The following NUBP1 variants were observed in gnomAD, a reference collection of about 807,000 sequenced individuals.
NUBP1 encodes cytosolic Fe-S cluster assembly factor NUBP1.
A neutral mutation model predicts 41.8 loss-of-function variants in NUBP1; 46 were observed. The ratio of observed to expected loss-of-function variants is 1.10; its 90% confidence interval spans 0.87 to 1.41. The LOEUF is 1.41. NUBP1 is among the 40% of genes most tolerant of loss of function. The probability of loss-of-function intolerance (pLI) is 0.00; values close to 1 mark genes in which losing one functional copy is unlikely to be tolerated. For synonymous variants in NUBP1, 189 were observed against 154.6 expected, an observed-to-expected ratio of 1.22 and a Z score of -1.65; for missense variants, 494 against 414.0, an observed-to-expected ratio of 1.19 and a Z score of -1.68.
At chr16:10,756,826 G>T (rs373746118) in intron 6 of NUBP1, 46 bp downstream of exon 6, 1 of 1,494,862 alleles carries the variant, frequency 6.7e-7, no homozygotes. Context: ...TTCCACGAGC[G>T]TTGTGGCTCT....
chr16:10,747,045 T>TACTAGG, intron 2 of NUBP1, 98 bp from the exon 3 acceptor site: 4 of 1,443,948 alleles, frequency 2.8e-6, no homozygotes, highest in Non-Finnish European at 3.8e-6. Context: ...CCAGGACTAG[T>TACTAGG]ACTAGGACTA....
chr16:10,763,103 G>C (rs1043718671), intron 9 of NUBP1, among the ~76,000 whole-genome samples: 1 of 152,136 alleles, frequency 6.6e-6, no homozygotes, highest in African/African-American at 2.4e-5. Flanking sequence ...TCACCTGGAG[G>C]AGGGTCCGTC....
At chr16:10,755,145 T>G (rs1308957921) in intron 4 of NUBP1, among the ~76,000 whole-genome samples, 2 of 152,248 alleles carry the variant, frequency 1.3e-5, no homozygotes, top group African/African-American at 4.8e-5. Context: ...CTATGAATCA[T>G]GTCTCAGTAA....
intron 7 of NUBP1, among the ~76,000 whole-genome samples, chr16:10,760,611 C>A (rs1900881851): frequency 6.6e-6 from 1 of 152,156 alleles, no homozygotes; most frequent in South Asian, 2.1e-4. Flanking sequence ...GTAGCACATG[C>A]CTGTAGTCCC....
chr16:10,760,146 G>A (rs1041957014), intron 7 of NUBP1, among the ~76,000 whole-genome samples: 6 of 152,264 alleles, frequency 3.9e-5, no homozygotes, highest in Admixed American at 1.3e-4. Flanking sequence ...CTTTTAGTCA[G>A]TTGTTTGTGT....
chr16:10,744,527 T>A (rs1024511079), intron 2 of NUBP1, among the ~76,000 whole-genome samples: 2 of 152,212 alleles, frequency 1.3e-5, no homozygotes, highest in Non-Finnish European at 2.9e-5. Context: ...CAGAAATGTG[T>A]TGATCGCCTC....
intron 8 of NUBP1, 35 bp from the exon 9 acceptor site, chr16:10,761,722 A>T: frequency 6.4e-7 from 1 of 1,561,366 alleles, no homozygotes; most frequent in Non-Finnish European, 8.8e-7. Context: ...TCTGCAAAAA[A>T]ATTATGTTTC....
chr16:10,756,024 C>G (rs1371715285), intron 5 of NUBP1, among the ~76,000 whole-genome samples: 1 of 152,178 alleles, frequency 6.6e-6, no homozygotes, highest in Non-Finnish European at 1.5e-5. Context: ...AGTTTATTTA[C>G]AAACACAGAT....
intron 3 of NUBP1, among the ~76,000 whole-genome samples, chr16:10,748,269 A>G (rs956448619): frequency 3.3e-5 from 5 of 152,142 alleles, no homozygotes; most frequent in African/African-American, 1.2e-4. Flanking sequence ...CAATTTTTAA[A>G]TTAGTACCTA....
chr16:10,745,235 C>T (rs925808201), intron 2 of NUBP1, among the ~76,000 whole-genome samples: 4 of 151,212 alleles, frequency 2.6e-5, no homozygotes, highest in African/African-American at 4.8e-5. Context: ...GAGGCCGAGG[C>T]GGGTGGATGG....
intron 7 of NUBP1, among the ~76,000 whole-genome samples, chr16:10,758,336 G>C (rs1900711454): frequency 6.6e-6 from 1 of 152,082 alleles, no homozygotes; most frequent in Non-Finnish European, 1.5e-5. Context: ...AGCCAGGCAT[G>C]GTGGCTCGCG....
chr16:10,752,701 A>G, intron 4 of NUBP1, 23 bp downstream of exon 4: 2 of 1,604,232 alleles, frequency 1.2e-6, no homozygotes, highest in Admixed American at 1.7e-5. Context: ...TACAGAACTC[A>G]GGAAATTATT....
At chr16:10,758,268 C>G (rs576966153) in intron 7 of NUBP1, among the ~76,000 whole-genome samples, 1 of 152,104 alleles carries the variant, frequency 6.6e-6, no homozygotes, top group African/African-American at 2.4e-5. Flanking sequence ...CCCACGAGTT[C>G]GGGACCAGCC....
chr16:10,745,115 T>C (rs1472943288), intron 2 of NUBP1, among the ~76,000 whole-genome samples: 1 of 150,920 alleles, frequency 6.6e-6, no homozygotes, highest in Non-Finnish European at 1.5e-5. Flanking sequence ...CTTGGATCCA[T>C]GCGGTGTGAC....
chr16:10,753,400 G>A (rs1900412424), intron 4 of NUBP1, among the ~76,000 whole-genome samples: 1 of 152,162 alleles, frequency 6.6e-6, no homozygotes, highest in African/African-American at 2.4e-5. Context: ...AACTGAGACT[G>A]CAGGGCGGGT....
chr16:10,758,933 A>G (rs1900755915), intron 7 of NUBP1, among the ~76,000 whole-genome samples: 1 of 152,218 alleles, frequency 6.6e-6, no homozygotes, highest in South Asian at 2.1e-4. Context: ...TAAGTCCTGC[A>G]GAGAGCAACT....
chr16:10,747,524 T>G (rs1900117257), intron 3 of NUBP1, among the ~76,000 whole-genome samples: 1 of 152,184 alleles, frequency 6.6e-6, no homozygotes, highest in African/African-American at 2.4e-5. Flanking sequence ...AATCCCAGCT[T>G]TTCGCGAGGA....
At position 10,757,880 on chromosome 16, in the gene NUBP1, C is replaced by A. The variant is rs753723145; in HGVS notation, c.459C>A (p.Ile153=). 1 of 1,613,674 alleles carries A rather than the reference C, an allele frequency of 6.2e-7. No individual in the cohort carries two copies. The highest frequency in any genetic ancestry group is 1.1e-5 in the South Asian group (1 of 91,070). The change falls in exon 7 of 11, where the codon ATC becomes ATA. Residue 153 remains isoleucine (I), a synonymous_variant. Transcript: ENST00000283027. The surrounding 1 kb of genome is among the most constrained non-coding windows in gnomAD (Gnocchi z 4.1). ...IWRGPKKNGM[I]KQFLRDVDWG... is the part of the protein sequence containing the mutation. ...GTGGATTCCTCTTTCTAGGCATGAT[C>A]AAGCAGTTCCTCCGAGATGTGGACT...
chr16:10,752,191 G>T (rs546706323), intron 3 of NUBP1, among the ~76,000 whole-genome samples: 14 of 152,372 alleles, frequency 9.2e-5, no homozygotes, highest in African/African-American at 3.1e-4. Context: ...AAGGCTTGGT[G>T]AGGGGTGAGC....
Sources: allele counts gnomAD v4.1 joint callset (sites outside exome capture counted in the v4.1 genomes callset), GRCh38; gene constraint gnomAD v4.1.1; non-coding constraint Gnocchi (gnomAD v3.1); transcripts MANE v1.5; gene names NCBI Gene and HGNC (gene_info 2026-07-23, HGNC 2026-07-21).